Variants in APBA2 observed in about 807,000 individuals in gnomAD.
The protein encoded by APBA2 is amyloid-beta A4 precursor protein-binding family A member 2.
In APBA2, 30 loss-of-function variants were observed where a neutral mutation model predicts 75.0. The observed-to-expected ratio is 0.40, with a 90% CI of 0.30 to 0.54. The LOEUF is 0.54. APBA2 is among the 20% of genes least tolerant of loss of function. The probability of loss-of-function intolerance (pLI) is 0.49; values close to 1 mark genes in which losing one functional copy is unlikely to be tolerated. For missense variants in APBA2, 801 were observed against 1,016.1 expected (o/e 0.79, Z 2.88); for synonymous variants, 444 against 409.6 (o/e 1.08, Z -1.01).
At chr15:28,952,048 C>T (rs1394246615) in intron 2 of APBA2, among the ~76,000 whole-genome samples, 1 of 152,024 alleles carries the variant, frequency 6.6e-6, no homozygotes, top group African/African-American at 2.4e-5. Flanking sequence ...ACCACCACGC[C>T]TGGCTAATTT....
chr15:29,019,091 GGGCT>G (rs1358849364), intron 3 of APBA2, among the ~76,000 whole-genome samples: 1 of 152,222 alleles, frequency 6.6e-6, no homozygotes, highest in Non-Finnish European at 1.5e-5. Flanking sequence ...GCTAAGGCCA[GGGCT>G]GGAAAGGGAA....
At chr15:29,043,790 C>CTAGATTAGAGAG (rs2041170035) in intron 3 of APBA2, among the ~76,000 whole-genome samples, 1 of 152,134 alleles carries the variant, frequency 6.6e-6, no homozygotes, top group East Asian at 1.9e-4. Flanking sequence ...CCTTTGTGAC[C>CTAGATTAGAGAG]CTAAGCTAGG....
chr15:29,108,073 G>C (rs72716278), intron 12 of APBA2, among the ~76,000 whole-genome samples, 197 bp from the exon 13 acceptor site: 19 of 152,266 alleles, frequency 1.2e-4, no homozygotes, highest in Non-Finnish European at 2.6e-4. Context: ...CTGGAAACCT[G>C]GTAGCTCTGG....
chr15:28,907,579 C>A (rs916140963), intron 1 of APBA2, among the ~76,000 whole-genome samples: 1 of 152,212 alleles, frequency 6.6e-6, no homozygotes, highest in African/African-American at 2.4e-5. Context: ...GCGGGAGCCC[C>A]CAGCGGGATG....
chr15:28,969,952 G>C (rs1260684597), intron 2 of APBA2, among the ~76,000 whole-genome samples: 1 of 152,222 alleles, frequency 6.6e-6, no homozygotes, highest in Non-Finnish European at 1.5e-5. Context: ...CTGCCTGCTG[G>C]CTTTGAAATT....
intron 6 of APBA2, among the ~76,000 whole-genome samples, chr15:29,087,470 C>T (rs2043339544): frequency 6.6e-6 from 1 of 152,178 alleles, no homozygotes; most frequent in Non-Finnish European, 1.5e-5. Flanking sequence ...GTGGAACCCC[C>T]AAATCCCTTT....
At chr15:29,044,984 A>G in intron 3 of APBA2, among the ~76,000 whole-genome samples, 1 of 151,958 alleles carries the variant, frequency 6.6e-6, no homozygotes, top group Non-Finnish European at 1.5e-5. Flanking sequence ...GTGTCCACAC[A>G]TGGTGAAAGG....
intron 12 of APBA2, among the ~76,000 whole-genome samples, 180 bp downstream of exon 12, chr15:29,106,999 C>A (rs1172174302): frequency 6.6e-6 from 1 of 152,154 alleles, no homozygotes; most frequent in Non-Finnish European, 1.5e-5. Context: ...CAAGACCATT[C>A]CCCATGTCTG....
intron 13 of APBA2, among the ~76,000 whole-genome samples, chr15:29,110,194 G>C (rs1163361852): frequency 6.6e-6 from 1 of 152,232 alleles, no homozygotes; most frequent in Non-Finnish European, 1.5e-5. Flanking sequence ...CCATCACCAG[G>C]CCCTGCCTGT....
At chr15:28,969,791 C>A (rs2036967312) in intron 2 of APBA2, among the ~76,000 whole-genome samples, 1 of 152,186 alleles carries the variant, frequency 6.6e-6, no homozygotes, top group Admixed American at 6.5e-5. Flanking sequence ...GGCTGAGTGG[C>A]AGATTCGGGT....
chr15:29,092,723 G>A (rs983102507), intron 6 of APBA2, among the ~76,000 whole-genome samples: 2 of 152,214 alleles, frequency 1.3e-5, no homozygotes, highest in Non-Finnish European at 2.9e-5. Context: ...TTCCGGGGCT[G>A]TGGGGAAGGC....
At chr15:29,114,706 G>GCT (rs1225047648) in intron 14 of APBA2, among the ~76,000 whole-genome samples, 1 of 43,372 alleles carries the variant, frequency 2.3e-5, no homozygotes, top group African/African-American at 6.1e-5. Context: ...GAGTGTGTGC[G>GCT]TGCACGTGGG....
chr15:28,941,502 CAAAA>C (rs72376564), intron 2 of APBA2, among the ~76,000 whole-genome samples: 36 of 59,812 alleles, frequency 6.0e-4, no homozygotes, highest in South Asian at 2.5e-3. Flanking sequence ...ACTTGGGAGG[CAAAA>C]AAAAAAAAAA....
chr15:29,042,997 A>G (rs948825159), intron 3 of APBA2, among the ~76,000 whole-genome samples: 1 of 152,206 alleles, frequency 6.6e-6, no homozygotes, highest in African/African-American at 2.4e-5. Context: ...CATGACATGC[A>G]GAGGTAGACT....
At chr15:28,949,705 G>A (rs895644303) in intron 2 of APBA2, among the ~76,000 whole-genome samples, 3 of 152,206 alleles carry the variant, frequency 2.0e-5, no homozygotes, top group African/African-American at 7.2e-5. Context: ...CTGGGCTCAA[G>A]TGATCCTCAT....
At chr15:29,013,572 C>A (rs1481163543) in intron 3 of APBA2, among the ~76,000 whole-genome samples, 1 of 152,150 alleles carries the variant, frequency 6.6e-6, no homozygotes, top group Non-Finnish European at 1.5e-5. Context: ...TGAGCCACCG[C>A]CCCCGGCCGA....
intron 3 of APBA2, among the ~76,000 whole-genome samples, chr15:29,045,060 C>T (rs2041236247): frequency 8.4e-6 from 1 of 118,702 alleles, no homozygotes; most frequent in Admixed American, 8.7e-5. Flanking sequence ...TCTCTCCCTC[C>T]CTCCCTCCTT....
intron 1 of APBA2, among the ~76,000 whole-genome samples, chr15:28,901,342 C>A: frequency 6.6e-6 from 1 of 152,274 alleles, no homozygotes; most frequent in Admixed American, 6.5e-5. Flanking sequence ...CCGCCCCACC[C>A]TCCCAGATCC....
In APBA2 at chr15:28,921,700, T is replaced by G. The variant is rs1186715695; in HGVS notation, c.-144T>G. The G allele has an allele frequency of 6.6e-6, 1 of 152,248 alleles. No homozygotes were observed. Among genetic ancestry groups the G allele is most frequent in the Admixed American group, 6.5e-5 (1 of 15,282 alleles). The allele number at this position is 152,248 out of a possible 1,614,324, so 9.4% of individuals were successfully genotyped here. A position where few individuals can be genotyped will look rare whatever the true frequency, so the allele number is the denominator to read the frequency against. On this transcript the variant is annotated 5_prime_UTR_variant, in exon 2 of 15. Coordinates refer to ENST00000683413, the MANE Select transcript of APBA2 (RefSeq NM_001353788.2). ...GGACAAACCACCAATAGGCCAGGACTGTCCTGTGGACAGACGGGGTGAGCC... is the reference window on the plus strand; with the variant it reads ...GGACAAACCACCAATAGGCCAGGACGGTCCTGTGGACAGACGGGGTGAGCC...
Sources: allele counts gnomAD v4.1 joint callset (sites outside exome capture counted in the v4.1 genomes callset), GRCh38; gene constraint gnomAD v4.1.1; transcripts MANE v1.5; gene names NCBI Gene and HGNC (gene_info 2026-07-23, HGNC 2026-07-21).